MGLL: variants seen among roughly 807,000 people sequenced by gnomAD.
MGLL encodes monoglyceride lipase, also known as lysophospholipase homolog.
MGLL carries 7 observed loss-of-function variants against 29.1 expected under a neutral mutation model. The observed-to-expected ratio is 0.24, with a 90% CI of 0.14 to 0.45. The LOEUF (loss-of-function observed/expected upper bound fraction) is 0.45. Ranked by LOEUF, MGLL falls within the 20% of genes least tolerant of loss-of-function variation. The probability of loss-of-function intolerance (pLI) is 0.99; values close to 1 mark genes in which losing one functional copy is unlikely to be tolerated. For missense variants in MGLL, 356 were observed against 413.6 expected, an observed-to-expected ratio of 0.86 and a Z score of 1.21; for synonymous variants, 148 against 168.3, an observed-to-expected ratio of 0.88 and a Z score of 0.93.
chr3:127,724,695 C>G (rs2075998195), intron 3 of MGLL, among the ~76,000 whole-genome samples: 1 of 152,150 alleles, frequency 6.6e-6, no homozygotes, highest in African/African-American at 2.4e-5. Context: ...CACTCTAAAG[C>G]CTGAGGGCTG....
chr3:127,784,090 T>C (rs1559968031), intron 2 of MGLL: 2 of 152,186 alleles, frequency 1.3e-5, no homozygotes, highest in Non-Finnish European at 2.9e-5. Flanking sequence ...ACCAAAGAAA[T>C]GGCACAAGGC....
At chr3:127,726,806 A>G (rs916181642) in intron 3 of MGLL, among the ~76,000 whole-genome samples, 3 of 152,226 alleles carry the variant, frequency 2.0e-5, no homozygotes, top group African/African-American at 7.2e-5. Context: ...TGTTATAAAA[A>G]TAATCTATTA....
chr3:127,694,908 C>G, intron 7 of MGLL, 67 bp downstream of exon 7: 1 of 1,534,726 alleles, frequency 6.5e-7, no homozygotes, highest in Non-Finnish European at 9.0e-7. Context: ...CAGATGTGCC[C>G]CAAGGGGTGC....
intron 3 of MGLL, among the ~76,000 whole-genome samples, chr3:127,752,469 C>CTCCA (rs2076577775): frequency 6.6e-6 from 1 of 152,058 alleles, no homozygotes; most frequent in African/African-American, 2.4e-5. Context: ...AACAACAGGT[C>CTCCA]TTGGAGGCCT....
chr3:127,769,360 G>GA (rs5852522), intron 3 of MGLL, among the ~76,000 whole-genome samples: 140,172 of 149,596 alleles, frequency 0.94, 66,177 homozygotes, highest in Non-Finnish European at 1. Flanking sequence ...CAAAAAAAAA[G>GA]AAAAAAAAAA....
intron 2 of MGLL, among the ~76,000 whole-genome samples, chr3:127,799,799 T>A (rs934388976): frequency 3.3e-5 from 5 of 152,310 alleles, no homozygotes; most frequent in African/African-American, 9.6e-5. Flanking sequence ...CTGCATATGA[T>A]CATGAATGCA....
intron 2 of MGLL, among the ~76,000 whole-genome samples, chr3:127,784,971 T>C (rs1309479221): frequency 1.3e-5 from 2 of 152,146 alleles, no homozygotes; most frequent in Admixed American, 6.5e-5. Flanking sequence ...GCTCCCGAGC[T>C]CCGAGGCCTC....
chr3:127,818,157 T>TC (rs1390425662), intron 2 of MGLL, among the ~76,000 whole-genome samples: 1 of 152,154 alleles, frequency 6.6e-6, no homozygotes. Context: ...AGAGGGAGTT[T>TC]CACCACTTTT....
chr3:127,734,212 C>T (rs762507258), intron 3 of MGLL, among the ~76,000 whole-genome samples: 1 of 152,228 alleles, frequency 6.6e-6, no homozygotes, highest in African/African-American at 2.4e-5. Context: ...AGAGGAAAGA[C>T]GCAACATGTG....
intron 6 of MGLL, among the ~76,000 whole-genome samples, chr3:127,708,593 C>A (rs1170339325): frequency 6.6e-6 from 1 of 152,186 alleles, no homozygotes; most frequent in Non-Finnish European, 1.5e-5. Flanking sequence ...TTCCTCTTTG[C>A]CCGTGTATTT....
In MGLL at chr3:127,692,117, GCA is replaced by G; in HGVS notation, c.*79_*80del. Reference sequence around the variant, plus strand: ...TGATTTTTTTTTTTTTTTTTTTTTGGCAAGCCATATCTGAGAAGCCATCTCTG... The same window carrying G: ...TGATTTTTTTTTTTTTTTTTTTTTGGAGCCATATCTGAGAAGCCATCTCTG... On this transcript the variant is annotated 3_prime_UTR_variant, in exon 8 of 8. Coordinates refer to ENST00000265052, the MANE Select transcript of MGLL (RefSeq NM_007283.7). The G allele has an allele frequency of 4.3e-6, 1 of 232,302 alleles. No individual in the cohort carries two copies. The highest frequency in any genetic ancestry group is 6.3e-6 in the Non-Finnish European group (1 of 158,842). The allele number at this position is 232,302 out of a possible 1,614,324, so 14.4% of individuals were successfully genotyped here. A position where few individuals can be genotyped will look rare whatever the true frequency, so the allele number is the denominator to read the frequency against.
At chr3:127,746,654 G>A (rs2107662668) in intron 3 of MGLL, among the ~76,000 whole-genome samples, 1 of 152,180 alleles carries the variant, frequency 6.6e-6, no homozygotes, top group South Asian at 2.1e-4. Flanking sequence ...AGAACTGCAG[G>A]TTCACATTCC....
chr3:127,809,218 G>T (rs2077618836), intron 2 of MGLL, among the ~76,000 whole-genome samples: 1 of 152,138 alleles, frequency 6.6e-6, no homozygotes, highest in South Asian at 2.1e-4. Flanking sequence ...TTATCATGGA[G>T]CTAATATCCT....
At chr3:127,721,520 T>G (rs1044541825) in intron 4 of MGLL, among the ~76,000 whole-genome samples, 15 of 149,834 alleles carry the variant, frequency 1.0e-4, no homozygotes, top group East Asian at 5.8e-4. Context: ...TTTTTTTTTT[T>G]TTTTTTTTTT....
At chr3:127,736,736 C>A (rs561306231) in intron 3 of MGLL, among the ~76,000 whole-genome samples, 35 of 152,200 alleles carry the variant, frequency 2.3e-4, no homozygotes, top group South Asian at 6.2e-4. Context: ...ACTCTGTCAC[C>A]CAGGCTGGAG....
chr3:127,755,888 T>C (rs2076655988), intron 3 of MGLL, among the ~76,000 whole-genome samples: 1 of 152,190 alleles, frequency 6.6e-6, no homozygotes, highest in East Asian at 1.9e-4. Flanking sequence ...CCACTCTCTC[T>C]TTTCTTCTTA....
intron 3 of MGLL, among the ~76,000 whole-genome samples, chr3:127,776,568 G>A (rs1427361230): frequency 6.6e-6 from 1 of 152,204 alleles, no homozygotes. Context: ...TGAGCCTGGA[G>A]GTGCCACACC....
intron 6 of MGLL, among the ~76,000 whole-genome samples, chr3:127,696,803 G>A (rs1220567544): frequency 1.3e-5 from 2 of 151,880 alleles, no homozygotes; most frequent in African/African-American, 4.8e-5. Context: ...CTGGGTGAGG[G>A]TCAGAGAGCA....
intron 3 of MGLL, among the ~76,000 whole-genome samples, chr3:127,734,238 G>A (rs1401263228): frequency 6.6e-6 from 1 of 152,250 alleles, no homozygotes; most frequent in Non-Finnish European, 1.5e-5. Flanking sequence ...CAAAATGCAG[G>A]AAAGTGGATC....
Sources: gnomAD v4.1 joint callset for allele counts (sites outside exome capture counted in the v4.1 genomes callset) on GRCh38, gnomAD v4.1.1 for gene constraint, MANE v1.5 for transcripts, NCBI Gene and HGNC (gene_info 2026-07-23, HGNC 2026-07-21) for gene names.